The following MX2 variants were observed in gnomAD, a reference collection of about 807,000 sequenced individuals.
MX2 encodes interferon-induced GTP-binding protein Mx2.
A neutral mutation model predicts 74.0 loss-of-function variants in MX2; 51 were observed. The observed-to-expected ratio is 0.69, with a 90% CI of 0.55 to 0.87. The LOEUF (loss-of-function observed/expected upper bound fraction) is 0.87, where lower values mean the gene tolerates loss of function less well. MX2 is among the 40% of genes least tolerant of loss of function. The pLI is 0.00. For missense variants in MX2, 832 were observed against 908.7 expected (o/e 0.92, Z 1.09); for synonymous variants, 369 against 339.3 (o/e 1.09, Z -0.96).
intron 7 of MX2, among the ~76,000 whole-genome samples, chr21:41,396,869 T>C (rs2089743541): frequency 6.6e-6 from 1 of 152,218 alleles, no homozygotes; most frequent in Non-Finnish European, 1.5e-5. Flanking sequence ...CTTAAAATTG[T>C]GCTAGCTCTG....
At position 41,377,201 on chromosome 21, in the gene MX2, C is replaced by T. The variant is rs184588137; in HGVS notation, c.249+46C>T. On this transcript the variant is annotated intron_variant, in intron 2 of 13. Coordinates refer to ENST00000330714, the MANE Select transcript of MX2 (RefSeq NM_002463.2). ...TTCAGAAAGGGTGCATTCTGGCTGC[C>T]GGTGCAGAGGGCTGTCATGTAAGCC... 2.3e-3 allele frequency: 3,702 copies of T among 1,606,208 alleles called. 23 individuals carry two copies. Among genetic ancestry groups the T allele is most frequent in the Non-Finnish European group, 1.6e-3 (1,912 of 1,176,148 alleles).
chr21:41,372,098 GA>G (rs2089334083), intron 1 of MX2, among the ~76,000 whole-genome samples: 2 of 152,204 alleles, frequency 1.3e-5, no homozygotes, highest in Non-Finnish European at 2.9e-5. Flanking sequence ...TCCATGCTGA[GA>G]ATAGAAAGTC....
chr21:41,390,325 G>T (rs2145923722), intron 5 of MX2: 1 of 492,010 alleles, frequency 2.0e-6, no homozygotes, highest in Non-Finnish European at 3.7e-6. Context: ...GGAATCAGGG[G>T]GTCTTCAGGA....
Position 41,407,971 on chromosome 21 carries a change from C to T in MX2, c.1906-20C>T. ...TGGGCTGAGACCACTCCAGCAAACC[C>T]TTCTTTCTCCCTCTTCCAGGAAACC... On this transcript the variant is annotated intron_variant, in intron 13 of 13. Coordinates refer to ENST00000330714, the MANE Select transcript of MX2 (RefSeq NM_002463.2). 1.2e-6 allele frequency: 2 copies of T among 1,613,880 alleles called. No homozygotes were observed. Among genetic ancestry groups the T allele is most frequent in the Non-Finnish European group, 1.7e-6 (2 of 1,179,822 alleles).
intron 8 of MX2, 32 bp downstream of exon 8, chr21:41,397,723 A>C: frequency 6.3e-7 from 1 of 1,578,780 alleles, no homozygotes; most frequent in South Asian, 1.1e-5. Context: ...ACAAGTCATC[A>C]ATACAGCATG....
At chr21:41,371,704 G>A (rs905041415) in intron 1 of MX2, among the ~76,000 whole-genome samples, 1 of 152,100 alleles carries the variant, frequency 6.6e-6, no homozygotes, top group African/African-American at 2.4e-5. Flanking sequence ...TTATATCCTC[G>A]ACCTAGGAGT....
At chr21:41,394,938 AAGAGAG>A (rs372983367) in intron 6 of MX2, among the ~76,000 whole-genome samples, 2 of 148,268 alleles carry the variant, frequency 1.3e-5, no homozygotes, top group Admixed American at 6.7e-5. Context: ...TCAAAAAAGA[AAGAGAG>A]AGAGAGAGAG....
At chr21:41,384,509 G>A (rs920069505) in intron 5 of MX2, among the ~76,000 whole-genome samples, 3 of 152,108 alleles carry the variant, frequency 2.0e-5, no homozygotes, top group Non-Finnish European at 4.4e-5. Flanking sequence ...TTTCTAAAGG[G>A]CTTTGTTTCT....
Position 41,408,106 on chromosome 21 carries a change from G to T in MX2, c.2021G>T (p.Arg674Leu). ...AMMQILQEKN[R>L]YSWLLQEQSE... Reference sequence around the variant, plus strand: ...ATGCAGATACTACAGGAAAAAAATCGCTATTCCTGGCTGCTTCAAGAGCAG... The same window carrying T: ...ATGCAGATACTACAGGAAAAAAATCTCTATTCCTGGCTGCTTCAAGAGCAG... Residue 674 changes from arginine (R) to leucine (L), a missense_variant, in exon 14 of 14, where the codon CGC becomes CTC. Coordinates refer to ENST00000330714, the MANE Select transcript of MX2 (RefSeq NM_002463.2). 1 of 1,614,164 alleles carries T rather than the reference G, an allele frequency of 6.2e-7. No individual in the cohort carries two copies. The highest frequency in any genetic ancestry group is 8.5e-7 in the Non-Finnish European group (1 of 1,180,032).
At chr21:41,400,629 G>A (rs1047245935) in intron 10 of MX2, among the ~76,000 whole-genome samples, 1 of 152,166 alleles carries the variant, frequency 6.6e-6, no homozygotes, top group Admixed American at 6.5e-5. Context: ...AACAATCATA[G>A]CAGAAAGCAA....
intron 4 of MX2, among the ~76,000 whole-genome samples, chr21:41,381,448 G>A (rs1020868047): frequency 6.6e-6 from 1 of 152,178 alleles, no homozygotes; most frequent in African/African-American, 2.4e-5. Context: ...CACTTTGGGA[G>A]GCCGAGGCAG....
intron 3 of MX2, 79 bp from the exon 4 acceptor site, chr21:41,379,938 G>C (rs1344327211): frequency 1.0e-5 from 16 of 1,566,288 alleles, no homozygotes; most frequent in Admixed American, 1.8e-5. Flanking sequence ...GGGGACAGCA[G>C]GGCAGGTTCT....
intron 5 of MX2, 192 bp from the exon 6 acceptor site, chr21:41,390,373 G>T: frequency 1.5e-6 from 1 of 662,962 alleles, no homozygotes; most frequent in Non-Finnish European, 2.6e-6. Context: ...AAGGACAAGT[G>T]GGAGGTCATC....
intron 1 of MX2, among the ~76,000 whole-genome samples, chr21:41,375,899 G>T (rs2089395424): frequency 6.6e-6 from 1 of 152,224 alleles, no homozygotes; most frequent in Non-Finnish European, 1.5e-5. Context: ...CACAGGCCCA[G>T]CTCTGAGTCC....
intron 8 of MX2, among the ~76,000 whole-genome samples, chr21:41,398,355 G>T (rs2089763040): frequency 6.6e-6 from 1 of 152,158 alleles, no homozygotes; most frequent in Non-Finnish European, 1.5e-5. Context: ...GAAATAATTG[G>T]TTTGTAAGAA....
At position 41,399,264 on chromosome 21, in the gene MX2, G is replaced by T. The variant is rs1167193989; in HGVS notation, c.1341G>T (p.Glu447Asp). The change falls in exon 10 of 14, where the codon GAG becomes GAT. Residue 447 changes from glutamate to aspartate, a missense_variant. Glu to Asp is a conservative substitution (Grantham distance 45). Coordinates refer to ENST00000330714, the MANE Select transcript of MX2 (RefSeq NM_002463.2). ...GAGAAGAAGTTGTAAGGGAGAATGAGACCCGTTTATACAACAAAATCAGAG... is the reference window on the plus strand; with the variant it reads ...GAGAAGAAGTTGTAAGGGAGAATGATACCCGTTTATACAACAAAATCAGAG... ...VEGEEVVRENETRLYNKIRED... is the reference protein window; with the variant it reads ...VEGEEVVRENDTRLYNKIRED... 1.9e-6 allele frequency: 3 copies of T among 1,613,838 alleles called. No homozygotes were observed. Among genetic ancestry groups the T allele is most frequent in the East Asian group, 2.2e-5 (1 of 44,890 alleles).
intron 6 of MX2, among the ~76,000 whole-genome samples, chr21:41,392,735 G>T (rs764544035): frequency 1.1e-4 from 16 of 152,150 alleles, no homozygotes; most frequent in African/African-American, 3.9e-4. Context: ...GACAGAGCAG[G>T]GGGGAGCATC....
Position 41,408,011 on chromosome 21 carries a change from CA to C in MX2, c.1928del (p.Asn643ThrfsTer6), listed in dbSNP as rs752212704. The C allele has an allele frequency of 5.6e-6, 9 of 1,614,050 alleles. No homozygotes were observed. The highest frequency in any genetic ancestry group is 7.6e-6 in the Non-Finnish European group (9 of 1,180,032). On this transcript the variant is annotated frameshift_variant, in exon 14 of 14. Coordinates refer to ENST00000330714, the MANE Select transcript of MX2 (RefSeq NM_002463.2). LOFTEE classifies it low-confidence loss of function (END_TRUNC). ...YFLETSKRLA[N>X]QIPFIIQYFM... is the part of the protein sequence containing the mutation. ...TCCAGGAAACCAGCAAACGTCTCGC[CA>C]ACCAGATCCCATTTATAATTCAGTA... is the stretch of plus-strand genomic sequence containing the variant.
chr21:41,407,150 T>G (rs2089897717), intron 13 of MX2, 152 bp downstream of exon 13: 1 of 723,462 alleles, frequency 1.4e-6, no homozygotes, highest in South Asian at 3.0e-5. Context: ...TACTTATATA[T>G]TTTCTCATTT....
Sources: gnomAD v4.1 joint callset for allele counts (sites outside exome capture counted in the v4.1 genomes callset) on GRCh38, gnomAD v4.1.1 for gene constraint, MANE v1.5 for transcripts, NCBI Gene and HGNC (gene_info 2026-07-23, HGNC 2026-07-21) for gene names.